The following CCDC178 variants were observed in gnomAD, a reference collection of about 807,000 sequenced individuals.
The protein encoded by CCDC178 is coiled-coil domain-containing protein 178.
Under a neutral mutation model 117.4 loss-of-function variants are expected in CCDC178, and 126 were observed. The observed-to-expected ratio is 1.07, with a 90% CI of 0.93 to 1.24. CCDC178 has a LOEUF of 1.24. CCDC178 is among the 50% of genes most tolerant of loss of function. The pLI is 0.00. For missense variants in CCDC178, 1,030 were observed against 986.9 expected, an observed-to-expected ratio of 1.04 and a Z score of -0.59; for synonymous variants, 283 against 313.4, an observed-to-expected ratio of 0.90 and a Z score of 1.02.
chr18:32,954,726 C>G (rs1259570650), intron 22 of CCDC178: 1 of 152,066 alleles, frequency 6.6e-6, no homozygotes, highest in African/African-American at 2.4e-5. Flanking sequence ...TCCCCAGGAG[C>G]AAAAGAGATA....
At chr18:33,122,185 A>G (rs983535408) in intron 20 of CCDC178, among the ~76,000 whole-genome samples, 6 of 152,142 alleles carry the variant, frequency 3.9e-5, no homozygotes, top group African/African-American at 1.4e-4. Flanking sequence ...GCAAAAAGCT[A>G]AATTTGCTAA....
intron 11 of CCDC178, among the ~76,000 whole-genome samples, chr18:33,313,858 C>T (rs2062375982): frequency 1.3e-5 from 2 of 152,152 alleles, no homozygotes; most frequent in South Asian, 2.1e-4. Context: ...TGCCTAAAGC[C>T]TTTGCCACCA....
chr18:33,274,556 A>C (rs999798583), intron 12 of CCDC178, among the ~76,000 whole-genome samples: 3 of 151,978 alleles, frequency 2.0e-5, no homozygotes, highest in African/African-American at 7.2e-5. Flanking sequence ...TAGAAAATGG[A>C]AACTACTCAG....
chr18:33,002,166 T>C (rs1318418017), intron 21 of CCDC178, among the ~76,000 whole-genome samples: 1 of 152,122 alleles, frequency 6.6e-6, no homozygotes, highest in Non-Finnish European at 1.5e-5. Context: ...ATTTCCACTA[T>C]AGGACAAATG....
intron 14 of CCDC178, among the ~76,000 whole-genome samples, chr18:33,250,855 A>G (rs1049724873): frequency 6.6e-6 from 1 of 151,778 alleles, no homozygotes; most frequent in Non-Finnish European, 1.5e-5. Flanking sequence ...AGCTACAAAC[A>G]AAATTGTGAA....
At chr18:33,394,000 A>C (rs2063597198) in intron 4 of CCDC178, among the ~76,000 whole-genome samples, 1 of 152,028 alleles carries the variant, frequency 6.6e-6, no homozygotes, top group African/African-American at 2.4e-5. Flanking sequence ...GTTGTTAGAA[A>C]ATTTTTTTTC....
intron 18 of CCDC178, among the ~76,000 whole-genome samples, chr18:33,216,685 G>T (rs1314895955): frequency 6.6e-6 from 1 of 152,008 alleles, no homozygotes; most frequent in African/African-American, 2.4e-5. Flanking sequence ...GTTTGTCTAA[G>T]ATTTTGAACA....
At chr18:33,111,023 AT>A (rs1278276253) in intron 20 of CCDC178, among the ~76,000 whole-genome samples, 1 of 151,528 alleles carries the variant, frequency 6.6e-6, no homozygotes, top group Non-Finnish European at 1.5e-5. Flanking sequence ...CAATATATAA[AT>A]TTGGTAGATC....
chr18:33,365,602 A>G (rs2063192245), intron 6 of CCDC178, among the ~76,000 whole-genome samples: 1 of 152,236 alleles, frequency 6.6e-6, no homozygotes. Context: ...TTTTATAAAT[A>G]TTAGCTTTAT....
At chr18:33,195,449 C>A (rs753519179) in intron 20 of CCDC178, among the ~76,000 whole-genome samples, 2 of 152,050 alleles carry the variant, frequency 1.3e-5, no homozygotes, top group Non-Finnish European at 2.9e-5. Context: ...TGCACCTGTC[C>A]ATTAGGCCTC....
chr18:33,051,888 G>GT (rs544182667), intron 21 of CCDC178, among the ~76,000 whole-genome samples: 60 of 152,256 alleles, frequency 3.9e-4, no homozygotes, highest in Non-Finnish European at 7.4e-4. Context: ...ATTCAAATGG[G>GT]TTTTTTAGCA....
intron 21 of CCDC178, among the ~76,000 whole-genome samples, chr18:33,061,154 T>C (rs1317517019): frequency 1.3e-5 from 2 of 152,252 alleles, no homozygotes; most frequent in African/African-American, 4.8e-5. Context: ...AACAGTTTTA[T>C]ATCCAGTTCT....
In CCDC178 at chr18:33,154,801, A is replaced by G. The variant is rs574055881; in HGVS notation, c.2238+57095T>C. On this transcript the variant is annotated intron_variant, in intron 20 of 22. Coordinates refer to ENST00000383096, the MANE Select transcript of CCDC178 (RefSeq NM_001105528.4). ...TAAGACATGGAATATTATCAGTGAT[A>G]AAGGTCATTTTATAAAGGGTCGATT... 7.5e-4 allele frequency among the ~76,000 whole-genome samples: 114 copies of G among 152,148 alleles called. 1 individual carries two copies. Among genetic ancestry groups the G allele is most frequent in the Non-Finnish European group, 1.3e-3 (90 of 67,974 alleles).
intron 12 of CCDC178, among the ~76,000 whole-genome samples, chr18:33,289,512 G>C (rs965515218): frequency 3.3e-5 from 5 of 152,016 alleles, no homozygotes; most frequent in African/African-American, 4.8e-5. Context: ...TACTGGGGAG[G>C]CTGAGGCTGG....
At chr18:33,334,042 T>C (rs919689644) in intron 9 of CCDC178, among the ~76,000 whole-genome samples, 1 of 149,238 alleles carries the variant, frequency 6.7e-6, no homozygotes, top group African/African-American at 2.5e-5. Context: ...AGAAGGAAAA[T>C]GATGAAATAA....
At chr18:33,207,786 CA>C (rs2059063288) in intron 20 of CCDC178, among the ~76,000 whole-genome samples, 1 of 151,938 alleles carries the variant, frequency 6.6e-6, no homozygotes, top group South Asian at 2.1e-4. Context: ...GCCACATATT[CA>C]CAAGGAGTGA....
intron 12 of CCDC178, among the ~76,000 whole-genome samples, chr18:33,271,370 C>A (rs1288339429): frequency 6.6e-6 from 1 of 151,238 alleles, no homozygotes; most frequent in East Asian, 1.9e-4. Flanking sequence ...ATCAAAGACA[C>A]AAATATGTTG....
At chr18:33,028,631 T>C (rs1481739756) in intron 21 of CCDC178, among the ~76,000 whole-genome samples, 1 of 151,852 alleles carries the variant, frequency 6.6e-6, no homozygotes, top group Non-Finnish European at 1.5e-5. Context: ...TGATTACTAA[T>C]AATTATGTTA....
intron 21 of CCDC178, among the ~76,000 whole-genome samples, chr18:33,022,903 A>G (rs2056151116): frequency 6.6e-6 from 1 of 152,094 alleles, no homozygotes; most frequent in African/African-American, 2.4e-5. Context: ...AAGTGATATA[A>G]AGACATTAAC....
Sources: allele counts gnomAD v4.1 joint callset (sites outside exome capture counted in the v4.1 genomes callset), GRCh38; gene constraint gnomAD v4.1.1; transcripts MANE v1.5; gene names NCBI Gene and HGNC (gene_info 2026-07-23, HGNC 2026-07-21).